The following OSBPL1A variants were observed in gnomAD, a reference collection of about 807,000 sequenced individuals.
OSBPL1A encodes the protein oxysterol-binding protein-related protein 1.
A neutral mutation model predicts 137.1 loss-of-function variants in OSBPL1A; 80 were observed. That is an observed-to-expected ratio of 0.58 (90% CI 0.49 to 0.70). OSBPL1A has a LOEUF of 0.70. OSBPL1A is among the 30% of genes least tolerant of loss of function. The pLI, the probability that OSBPL1A is intolerant of heterozygous loss-of-function variation, is 0.00. For synonymous variants in OSBPL1A, 365 were observed against 389.7 expected (o/e 0.94, Z 0.75); for missense variants, 970 against 1,129.4 (o/e 0.86, Z 2.02).
At chr18:24,290,959 T>C (rs1393905211) in intron 14 of OSBPL1A, among the ~76,000 whole-genome samples, 1 of 151,820 alleles carries the variant, frequency 6.6e-6, no homozygotes, top group Non-Finnish European at 1.5e-5. Context: ...AGATATGAAA[T>C]CCAAATTTAA....
At chr18:24,226,648 A>C (rs1271804784) in intron 16 of OSBPL1A, among the ~76,000 whole-genome samples, 1 of 152,172 alleles carries the variant, frequency 6.6e-6, no homozygotes, top group African/African-American at 2.4e-5. Context: ...ATTCAGCAAA[A>C]ATCACAGAAC....
chr18:24,175,108 G>GTATA (rs71163664), intron 21 of OSBPL1A, among the ~76,000 whole-genome samples: 3 of 111,530 alleles, frequency 2.7e-5, no homozygotes, highest in South Asian at 2.7e-4. Context: ...CCATGTGTAT[G>GTATA]TATATATATA....
At chr18:24,366,756 AC>A (rs973902568) in intron 4 of OSBPL1A, 135 bp downstream of exon 4, 12 of 717,976 alleles carry the variant, frequency 1.7e-5, no homozygotes, top group Non-Finnish European at 2.6e-5. Flanking sequence ...TGGCCTTTTG[AC>A]CCAAAGTGCT....
At position 24,199,992 on chromosome 18, in the gene OSBPL1A, T is replaced by C. The variant is rs578024254; in HGVS notation, c.1602-3792A>G. Among the ~76,000 whole-genome samples the C allele has an allele frequency of 3.9e-5, 6 of 152,368 alleles. No individual in the cohort carries two copies. In the South Asian group the frequency reaches 1.2e-3, roughly 32 times the overall value. On this transcript the variant is annotated intron_variant, in intron 17 of 27. Coordinates refer to ENST00000319481, the MANE Select transcript of OSBPL1A (RefSeq NM_080597.4). ...GAGCTTCATGTATAATCTCAAATTC[T>C]GTAGTAGCCACATTTTAAAAAATCA... is the stretch of plus-strand genomic sequence containing the variant.
intron 4 of OSBPL1A, chr18:24,358,110 T>A (rs2091566163): frequency 6.8e-6 from 2 of 292,272 alleles, no homozygotes; most frequent in East Asian, 1.4e-4. Flanking sequence ...AAGAACAGGT[T>A]TAGCATACGA....
At chr18:24,267,169 A>G (rs1397554937) in intron 15 of OSBPL1A, among the ~76,000 whole-genome samples, 1 of 151,562 alleles carries the variant, frequency 6.6e-6, no homozygotes, top group Non-Finnish European at 1.5e-5. Flanking sequence ...AAAAAAAGAA[A>G]GAAAATTATG....
At chr18:24,369,699 C>T (rs190760514) in intron 2 of OSBPL1A, among the ~76,000 whole-genome samples, 1 of 152,322 alleles carries the variant, frequency 6.6e-6, no homozygotes, top group Non-Finnish European at 1.5e-5. Context: ...TTGCCATTTA[C>T]CCAAACTCCT....
intron 17 of OSBPL1A, among the ~76,000 whole-genome samples, chr18:24,204,317 T>C (rs1289668910): frequency 2.0e-5 from 3 of 152,250 alleles, no homozygotes; most frequent in Admixed American, 6.5e-5. Flanking sequence ...ATATGCTTAA[T>C]GACCATCTGA....
rs1278783505 is a variant in OSBPL1A, at chr18:24,163,287, A to G, written c.2751-6T>C. 2 of 1,584,954 alleles carry G rather than the reference A, an allele frequency of 1.3e-6. No individual in the cohort carries two copies. The highest frequency in any genetic ancestry group is 1.4e-5 in the African/African-American group (1 of 73,908). Reference sequence around the variant, plus strand: ...TAGGACCTTGATGGAACCACCTGTTAAAAGAAAAAGGACAAGACTTACAGG... The same window carrying G: ...TAGGACCTTGATGGAACCACCTGTTGAAAGAAAAAGGACAAGACTTACAGG... On this transcript the variant is annotated splice_polypyrimidine_tract_variant and splice_region_variant and intron_variant, in intron 27 of 27. Coordinates refer to ENST00000319481, the MANE Select transcript of OSBPL1A (RefSeq NM_080597.4).
At chr18:24,222,113 T>C (rs2087911760) in intron 17 of OSBPL1A, among the ~76,000 whole-genome samples, 1 of 152,206 alleles carries the variant, frequency 6.6e-6, no homozygotes, top group Non-Finnish European at 1.5e-5. Flanking sequence ...ACTGTTTTAA[T>C]ATGTTATTAT....
At chr18:24,172,537 A>C in intron 21 of OSBPL1A, 54 bp from the exon 22 acceptor site, 5 of 1,271,164 alleles carry the variant, frequency 3.9e-6, no homozygotes, top group Non-Finnish European at 4.6e-6. Context: ...ACTTTGTTTA[A>C]AAAGTACACT....
At chr18:24,170,555 A>G in intron 23 of OSBPL1A, 102 bp from the exon 24 acceptor site, 3 of 1,328,762 alleles carry the variant, frequency 2.3e-6, no homozygotes, top group Non-Finnish European at 3.2e-6. Context: ...AGTACTAACC[A>G]GGCCTGACCC....
intron 14 of OSBPL1A, among the ~76,000 whole-genome samples, chr18:24,298,166 C>A (rs2090326611): frequency 6.6e-6 from 1 of 152,106 alleles, no homozygotes; most frequent in South Asian, 2.1e-4. Context: ...CATATCATGG[C>A]AACATTAGGA....
At chr18:24,228,478 C>A (rs2088164681) in intron 16 of OSBPL1A, among the ~76,000 whole-genome samples, 1 of 152,186 alleles carries the variant, frequency 6.6e-6, no homozygotes, top group Admixed American at 6.5e-5. Context: ...TCTGATGCTG[C>A]TGAATTCATT....
chr18:24,171,563 TGTGATCACTTTTC>T, intron 22 of OSBPL1A, 65 bp from the exon 23 acceptor site: 1 of 1,257,208 alleles, frequency 8.0e-7, no homozygotes, highest in Non-Finnish European at 1.1e-6. Flanking sequence ...GAAAAATAAC[TGTGATCACTTTTC>T]TAGCAGCAGC....
intron 13 of OSBPL1A, among the ~76,000 whole-genome samples, chr18:24,311,030 T>C (rs970703783): frequency 1.3e-5 from 2 of 152,224 alleles, no homozygotes; most frequent in Non-Finnish European, 2.9e-5. Flanking sequence ...CCAGAGGTAG[T>C]ATGGTAAAGG....
intron 7 of OSBPL1A, among the ~76,000 whole-genome samples, chr18:24,319,442 G>A (rs560893083): frequency 2.6e-5 from 4 of 152,276 alleles, no homozygotes; most frequent in Middle Eastern, 6.8e-3. Context: ...CAGCCGTCTC[G>A]CTGCATAATG....
At chr18:24,340,610 G>C (rs539161511) in intron 5 of OSBPL1A, among the ~76,000 whole-genome samples, 1 of 152,268 alleles carries the variant, frequency 6.6e-6, no homozygotes, top group South Asian at 2.1e-4. Flanking sequence ...TTCAAGACTA[G>C]CCTGACCAAC....
intron 13 of OSBPL1A, among the ~76,000 whole-genome samples, chr18:24,308,825 C>T (rs761857182): frequency 6.6e-6 from 1 of 151,928 alleles, no homozygotes; most frequent in East Asian, 1.9e-4. Flanking sequence ...TGCAGTGGCA[C>T]AATCTCACCT....
Sources: gnomAD v4.1 joint callset for allele counts (sites outside exome capture counted in the v4.1 genomes callset) on GRCh38, gnomAD v4.1.1 for gene constraint, MANE v1.5 for transcripts, NCBI Gene and HGNC (gene_info 2026-07-23, HGNC 2026-07-21) for gene names.